Variants in GK5 observed in about 807,000 individuals in gnomAD.
GK5 encodes the protein ATP:glycerol 3-phosphotransferase 5.
In GK5, 39 loss-of-function variants were observed where a neutral mutation model predicts 77.3. The observed-to-expected ratio is 0.50, with a 90% CI of 0.39 to 0.66. GK5 has a LOEUF of 0.66. GK5 is among the 30% of genes least tolerant of loss of function. GK5 has a pLI of 0.00. For synonymous variants in GK5, 211 were observed against 208.0 expected, an observed-to-expected ratio of 1.01 and a Z score of -0.13; for missense variants, 487 against 633.8, an observed-to-expected ratio of 0.77 and a Z score of 2.49.
intron 5 of GK5, among the ~76,000 whole-genome samples, chr3:142,188,048 G>GT (rs1259501460): frequency 6.6e-6 from 1 of 151,368 alleles, no homozygotes. Flanking sequence ...TTACTTTTGT[G>GT]TTTTTTGTTG....
intron 1 of GK5, among the ~76,000 whole-genome samples, chr3:142,218,122 TCA>T (rs958370164): frequency 9.3e-5 from 14 of 151,088 alleles, no homozygotes; most frequent in African/African-American, 3.4e-4. Flanking sequence ...AGAAATAGAC[TCA>T]CACAAATATG....
At chr3:142,183,242 T>C (rs546297490) in intron 9 of GK5, 193 bp from the exon 10 acceptor site, 189 of 440,148 alleles carry the variant, frequency 4.3e-4, no homozygotes, top group Non-Finnish European at 6.0e-4. Flanking sequence ...CTAGGACTAA[T>C]ACTCTGCAGA....
At position 142,161,913 on chromosome 3, in the gene GK5, C is replaced by T. The variant is rs1186719042; in HGVS notation, c.*3709G>A. ...TCCTGGAGCTCAAGTGATCTTCCCA[C>T]CTCAGCCCCCTAATTAGCTGGGACT... On this transcript the variant is annotated 3_prime_UTR_variant, in exon 16 of 16. Transcript: ENST00000392993. 6.6e-6 allele frequency: 1 copy of T among 152,228 alleles called. No individual in the cohort carries two copies. The highest frequency in any genetic ancestry group is 2.4e-5 in the African/African-American group (1 of 41,438). The allele number at this position is 152,228 out of a possible 1,614,324, so 9.4% of individuals were successfully genotyped here. A position where few individuals can be genotyped will look rare whatever the true frequency, so the allele number is the denominator to read the frequency against.
intron 5 of GK5, among the ~76,000 whole-genome samples, chr3:142,197,187 A>G (rs1161133833): frequency 6.6e-6 from 1 of 151,852 alleles, no homozygotes; most frequent in Non-Finnish European, 1.5e-5. Context: ...ACTCCGTCTC[A>G]AAAAAAAGAG....
Position 142,213,541 on chromosome 3 carries a change from A to G in GK5, c.302T>C (p.Phe101Ser), listed in dbSNP as rs373330647. 17 of 1,607,846 alleles carry G rather than the reference A, an allele frequency of 1.1e-5. No homozygotes were observed. The highest frequency in any genetic ancestry group is 1.4e-5 in the Non-Finnish European group (17 of 1,174,198). Residue 101 changes from phenylalanine to serine, a missense_variant, in exon 3 of 16, where the codon TTT becomes TCT. Phe to Ser is a radical substitution (Grantham distance 155). This residue lies in a region of GK5 where 323 missense variants were observed against 437.4 expected (regional missense o/e 0.74). Coordinates refer to ENST00000392993, the MANE Select transcript of GK5 (RefSeq NM_001039547.3). ...GLGISTQRATFITWNKKTGNH... is the reference protein window; with the variant it reads ...GLGISTQRATSITWNKKTGNH... ...ATGTACTTACTTGTTCCACGTAATA[A>G]AAGTTGCTCTCTGTGTTGAAATGCC...
At position 142,182,982 on chromosome 3, in the gene GK5, A is replaced by G. The variant is rs1295167981; in HGVS notation, c.884T>C (p.Met295Thr). Reference sequence around the variant, plus strand: ...AATATCCAAAAATGTCCCAGTTCCCATGGTTAATTTCACATCACCTGTCTG... The same window carrying G: ...AATATCCAAAAATGTCCCAGTTCCCGTGGTTAATTTCACATCACCTGTCTG... The part of the protein sequence containing the change: ...CFQTGDVKLT[M>T]GTGTFLDINT... The change falls in exon 10 of 16, where the codon ATG becomes ACG. Residue 295 changes from methionine (M) to threonine (T), a missense_variant. Coordinates refer to ENST00000392993, the MANE Select transcript of GK5 (RefSeq NM_001039547.3). 1.9e-6 allele frequency: 3 copies of G among 1,613,196 alleles called. No individual in the cohort carries two copies. In the Admixed American group the frequency reaches 5.0e-5, roughly 27 times the overall value.
At chr3:142,213,646 AT>A in intron 2 of GK5, 45 bp from the exon 3 acceptor site, 1 of 1,234,002 alleles carries the variant, frequency 8.1e-7, no homozygotes, top group Non-Finnish European at 1.2e-6. Context: ...AGCCAGTGAT[AT>A]TTTTCTTTAT....
chr3:142,217,688 A>C (rs1282984960), intron 1 of GK5, among the ~76,000 whole-genome samples: 2 of 152,206 alleles, frequency 1.3e-5, no homozygotes, highest in Non-Finnish European at 2.9e-5. Flanking sequence ...ACCAGAATGA[A>C]CCCAAAGCAT....
chr3:142,186,369 A>C (rs2063770207), intron 7 of GK5, 83 bp downstream of exon 7: 1 of 1,019,120 alleles, frequency 9.8e-7, no homozygotes, highest in Non-Finnish European at 1.4e-6. Context: ...TTGTCAATTA[A>C]AAATAAACTA....
chr3:142,225,138 G>A (rs1304148998), intron 1 of GK5, among the ~76,000 whole-genome samples, 171 bp downstream of exon 1: 2 of 152,152 alleles, frequency 1.3e-5, no homozygotes, highest in Non-Finnish European at 2.9e-5. Flanking sequence ...GGGAGGGAAC[G>A]CGAAGACTCA....
At chr3:142,184,854 C>T in intron 9 of GK5, 2 of 985,556 alleles carry the variant, frequency 2.0e-6, no homozygotes, top group Non-Finnish European at 2.4e-6. Flanking sequence ...AAAACAACAA[C>T]AACAACAACA....
intron 4 of GK5, chr3:142,204,303 C>A: frequency 3.8e-6 from 1 of 261,598 alleles, no homozygotes; most frequent in South Asian, 4.2e-5. Context: ...CAGGCGCGAG[C>A]CATCATGCCT....
chr3:142,159,794 A>G lies in GK5; in HGVS notation c.*5828T>C, dbSNP rs1419384786. The stretch of plus-strand genomic sequence containing the variant: ...TTACAATAAGACGATTCTGGGACCA[A>G]GTAGGTTGTAAAGGCCCAAGGTATG... On this transcript the variant is annotated 3_prime_UTR_variant, in exon 16 of 16. Transcript: ENST00000392993. 6.6e-6 allele frequency: 1 copy of G among 151,138 alleles called. No individual in the cohort carries two copies. Among genetic ancestry groups the G allele is most frequent in the Non-Finnish European group, 1.5e-5 (1 of 67,840 alleles). 9.4% of individuals were successfully genotyped at this position (151,138 alleles called of 1,614,324 possible).
rs1560216273 is a variant in GK5 at position 142,182,939 on chromosome 3, A to G, written c.927T>C (p.Leu309=). 6.2e-7 allele frequency: 1 copy of G among 1,609,652 alleles called. No individual in the cohort carries two copies. The highest frequency in any genetic ancestry group is 2.2e-5 in the East Asian group (1 of 44,840). The change falls in exon 10 of 16, where the codon CTT becomes CTC. Residue 309 remains leucine (L), a synonymous_variant. Transcript: ENST00000392993. ...TFLDINTGNS[L]QQTTGGFYPL... Reference sequence around the variant, plus strand: ...ACTACTTACCTCCAGTAGTCTGTTGAAGGCTATTTCCAGTGTTAATATCCA... The same window carrying G: ...ACTACTTACCTCCAGTAGTCTGTTGGAGGCTATTTCCAGTGTTAATATCCA...
chr3:142,184,306 A>G lies in GK5; in HGVS notation c.817-1257T>C, dbSNP rs563633247. On this transcript the variant is annotated intron_variant, in intron 9 of 15. Coordinates refer to ENST00000392993, the MANE Select transcript of GK5 (RefSeq NM_001039547.3). ...AAAAAAGAAAATAAGAATAAAAATG[A>G]TAACCAAAAAAAAACTAAGATTTTT... Among the ~76,000 whole-genome samples, 241 of 148,488 alleles carry G rather than the reference A, an allele frequency of 1.6e-3. 2 individuals are homozygous for G. Among genetic ancestry groups the G allele is most frequent in the African/African-American group, 5.7e-3 (233 of 40,530 alleles).
intron 1 of GK5, among the ~76,000 whole-genome samples, chr3:142,221,736 C>G (rs1471381758): frequency 6.6e-6 from 1 of 152,014 alleles, no homozygotes; most frequent in East Asian, 1.9e-4. Flanking sequence ...ATCAAATGTT[C>G]ATATGTGGAG....
chr3:142,187,848 T>G, intron 5 of GK5, 69 bp from the exon 6 acceptor site: 1 of 1,098,444 alleles, frequency 9.1e-7, no homozygotes, highest in South Asian at 1.3e-5. Flanking sequence ...TAAATGCAGA[T>G]CAGTGATACA....
At chr3:142,204,666 A>T in intron 4 of GK5, 29 bp downstream of exon 4, 2 of 1,219,868 alleles carry the variant, frequency 1.6e-6, no homozygotes, top group Non-Finnish European at 2.4e-6. Context: ...AAAACCAACA[A>T]TATCCAAATC....
rs374735545 is a variant in GK5, at chr3:142,213,629, G to C, written c.242-28C>G. The C allele has an allele frequency of 6.4e-6, 9 of 1,402,962 alleles. No homozygotes were observed. The African/African-American group carries it at 1.3e-4, about 20-fold the overall frequency. 86.9% of individuals were successfully genotyped at this position (1,402,962 alleles called of 1,614,324 possible). On this transcript the variant is annotated intron_variant, in intron 2 of 15. Coordinates refer to ENST00000392993, the MANE Select transcript of GK5 (RefSeq NM_001039547.3). ...AAAAGTAAAGATGGATAAAACACAT[G>C]TTTTAAAGCCAGTGATATTTTTCTT...
Sources: gnomAD v4.1 joint callset for allele counts (sites outside exome capture counted in the v4.1 genomes callset) on GRCh38, gnomAD v4.1.1 for gene constraint, gnomAD v4.1.1 regional missense constraint, MANE v1.5 for transcripts, NCBI Gene and HGNC (gene_info 2026-07-23, HGNC 2026-07-21) for gene names.